NKAIN2: variants seen among roughly 807,000 people sequenced by gnomAD.
The protein encoded by NKAIN2 is sodium/potassium transporting ATPase interacting 2, also known as sodium/potassium-transporting ATPase subunit beta-1-interacting protein 2.
NKAIN2 carries 14 observed loss-of-function variants against 32.6 expected under a neutral mutation model. The ratio of observed to expected loss-of-function variants is 0.43; its 90% confidence interval spans 0.28 to 0.67. The LOEUF (loss-of-function observed/expected upper bound fraction) is 0.67. NKAIN2 is among the 30% of genes least tolerant of loss of function. The pLI is 0.17. For missense variants in NKAIN2, 198 were observed against 258.3 expected (o/e 0.77, Z 1.60); for synonymous variants, 80 against 87.2 (o/e 0.92, Z 0.46).
intron 3 of NKAIN2, among the ~76,000 whole-genome samples, chr6:124,502,238 T>A (rs956561059): frequency 2.0e-5 from 3 of 146,546 alleles, no homozygotes; most frequent in Non-Finnish European, 3.0e-5. Flanking sequence ...AGGAGAGGAG[T>A]TTTTCTTTCA....
intron 1 of NKAIN2, among the ~76,000 whole-genome samples, chr6:123,908,242 A>T (rs951074996): frequency 1.2e-4 from 19 of 152,106 alleles, no homozygotes; most frequent in African/African-American, 3.9e-4. Context: ...TAATAATAAT[A>T]ATAAAAATCT....
chr6:124,332,631 G>A (rs142860041), intron 2 of NKAIN2, among the ~76,000 whole-genome samples: 1 of 151,836 alleles, frequency 6.6e-6, no homozygotes, highest in East Asian at 1.9e-4. Context: ...CTTTATTAAA[G>A]AATTCTTGTA....
intron 1 of NKAIN2, among the ~76,000 whole-genome samples, chr6:124,281,109 CACT>C (rs1381220623): frequency 1.3e-5 from 2 of 152,036 alleles, no homozygotes; most frequent in African/African-American, 4.8e-5. Context: ...AGATATTTCC[CACT>C]GTTAGACTGA....
intron 1 of NKAIN2, among the ~76,000 whole-genome samples, chr6:124,184,824 A>G (rs779968380): frequency 6.6e-6 from 1 of 152,138 alleles, no homozygotes. Context: ...ACAGACTTAC[A>G]TGATCATCTT....
At chr6:123,954,419 T>C (rs1216594794) in intron 1 of NKAIN2, among the ~76,000 whole-genome samples, 4 of 152,178 alleles carry the variant, frequency 2.6e-5, no homozygotes. Context: ...ACTCTTGTCC[T>C]TTCCCCACAT....
chr6:124,810,608 G>T (rs1382591890), intron 5 of NKAIN2, among the ~76,000 whole-genome samples: 1 of 151,832 alleles, frequency 6.6e-6, no homozygotes, highest in East Asian at 1.9e-4. Context: ...TTGTGCACGT[G>T]TACCCTAAAA....
chr6:123,881,927 T>C (rs9372763), intron 1 of NKAIN2, among the ~76,000 whole-genome samples: 1 of 151,948 alleles, frequency 6.6e-6, no homozygotes, highest in African/African-American at 2.4e-5. Context: ...AATATTATTA[T>C]TTTTAAATTT....
At chr6:124,028,631 C>T (rs1781227694) in intron 1 of NKAIN2, among the ~76,000 whole-genome samples, 1 of 148,956 alleles carries the variant, frequency 6.7e-6, no homozygotes, top group African/African-American at 2.6e-5. Flanking sequence ...AAAATAAATA[C>T]ACATTGTTTG....
At chr6:124,281,113 G>C (rs919108784) in intron 1 of NKAIN2, among the ~76,000 whole-genome samples, 12 of 152,042 alleles carry the variant, frequency 7.9e-5, no homozygotes, top group African/African-American at 2.9e-4. Context: ...ATTTCCCACT[G>C]TTAGACTGAT....
intron 1 of NKAIN2, among the ~76,000 whole-genome samples, chr6:124,120,886 T>G (rs965623493): frequency 7.2e-5 from 11 of 152,158 alleles, no homozygotes; most frequent in Non-Finnish European, 1.6e-4. Flanking sequence ...TGAAACTTGA[T>G]GCTTTTCAGT....
intron 1 of NKAIN2, among the ~76,000 whole-genome samples, chr6:124,040,339 G>GT (rs1781814083): frequency 6.6e-6 from 1 of 151,592 alleles, no homozygotes; most frequent in African/African-American, 2.4e-5. Context: ...TCATTTTGCA[G>GT]TTCTTTTTAA....
intron 1 of NKAIN2, among the ~76,000 whole-genome samples, chr6:124,125,226 A>T (rs1786099438): frequency 6.6e-6 from 1 of 152,168 alleles, no homozygotes; most frequent in Non-Finnish European, 1.5e-5. Flanking sequence ...ATTCAGTTTC[A>T]AGTCAGTTCT....
At chr6:124,649,208 T>C (rs1406914034) in intron 3 of NKAIN2, among the ~76,000 whole-genome samples, 1 of 152,172 alleles carries the variant, frequency 6.6e-6, no homozygotes, top group Non-Finnish European at 1.5e-5. Flanking sequence ...TTATTTGAAA[T>C]GATTAATAAA....
intron 4 of NKAIN2, among the ~76,000 whole-genome samples, chr6:124,675,771 C>A (rs1773328692): frequency 6.6e-6 from 1 of 151,302 alleles, no homozygotes; most frequent in South Asian, 2.1e-4. Context: ...TATTGTTGAT[C>A]TTTTCAAAAA....
intron 1 of NKAIN2, among the ~76,000 whole-genome samples, chr6:124,216,581 G>A (rs1980305): frequency 0.039 from 5,989 of 152,064 alleles, 172 homozygotes; most frequent in Non-Finnish European, 0.059. Flanking sequence ...TTACATTTTC[G>A]TTATAATTTC....
At chr6:124,501,157 T>C (rs1382470036) in intron 3 of NKAIN2, among the ~76,000 whole-genome samples, 1 of 152,192 alleles carries the variant, frequency 6.6e-6, no homozygotes, top group African/African-American at 2.4e-5. Context: ...ATTTTGCCTT[T>C]GCAAATGTTC....
chr6:124,698,201 C>T (rs1774595263), intron 4 of NKAIN2, among the ~76,000 whole-genome samples: 2 of 152,130 alleles, frequency 1.3e-5, no homozygotes, highest in African/African-American at 4.8e-5. Context: ...AGCCAGTTTG[C>T]AGTGTGGGCA....
At chr6:124,686,863 G>A (rs1278045115) in intron 4 of NKAIN2, among the ~76,000 whole-genome samples, 5 of 152,032 alleles carry the variant, frequency 3.3e-5, no homozygotes, top group African/African-American at 1.2e-4. Context: ...GAGTCAGTGG[G>A]CTGGGAAAGG....
intron 4 of NKAIN2, among the ~76,000 whole-genome samples, chr6:124,752,954 C>T (rs919185238): frequency 6.6e-6 from 1 of 152,192 alleles, no homozygotes; most frequent in East Asian, 1.9e-4. Context: ...TCTTCCCTCT[C>T]TTTCTTGTCC....
Sources: gnomAD v4.1 joint callset for allele counts (sites outside exome capture counted in the v4.1 genomes callset) on GRCh38, gnomAD v4.1.1 for gene constraint, MANE v1.5 for transcripts, NCBI Gene and HGNC (gene_info 2026-07-23, HGNC 2026-07-21) for gene names.